Variants in KATNIP observed in about 807,000 individuals in gnomAD.
KATNIP encodes the protein katanin interacting protein.
KATNIP carries 126 observed loss-of-function variants against 174.0 expected under a neutral mutation model. That is an observed-to-expected ratio of 0.72 (90% CI 0.63 to 0.84). The LOEUF (loss-of-function observed/expected upper bound fraction) is 0.84. KATNIP is among the 40% of genes least tolerant of loss of function. KATNIP has a pLI of 0.00. For synonymous variants in KATNIP, 810 were observed against 835.7 expected (o/e 0.97, Z 0.53); for missense variants, 1,958 against 2,109.7 (o/e 0.93, Z 1.41).
chr16:27,721,522 G>C, intron 13 of KATNIP, 36 bp from the exon 14 acceptor site: 1 of 1,613,400 alleles, frequency 6.2e-7, no homozygotes, highest in Non-Finnish European at 8.5e-7. Context: ...AGGCAGAAAT[G>C]TGCCTAATGA....
chr16:27,758,419 C>T (rs1044515167), intron 18 of KATNIP, among the ~76,000 whole-genome samples: 3 of 152,166 alleles, frequency 2.0e-5, no homozygotes, highest in African/African-American at 4.8e-5. Context: ...TTGTTCAAGC[C>T]ATCCTTACTG....
At chr16:27,756,539 T>C (rs931767608) in intron 18 of KATNIP, among the ~76,000 whole-genome samples, 1 of 152,132 alleles carries the variant, frequency 6.6e-6, no homozygotes, top group African/African-American at 2.4e-5. Flanking sequence ...AAAGCCCACA[T>C]CCTCACCACA....
chr16:27,740,509 A>G lies in KATNIP; in HGVS notation c.2212A>G (p.Asn738Asp). 1 of 1,614,162 alleles carries G rather than the reference A, an allele frequency of 6.2e-7. No homozygotes were observed. Among genetic ancestry groups the G allele is most frequent in the Non-Finnish European group, 8.5e-7 (1 of 1,180,026 alleles). Residue 738 changes from asparagine (N) to aspartate (D), a missense_variant, in exon 15 of 28, where the codon AAC becomes GAC. This residue lies in a region of KATNIP where 1,557 missense variants were observed against 1,617.8 expected (regional missense o/e 0.96). Coordinates refer to ENST00000261588, the MANE Select transcript of KATNIP (RefSeq NM_015202.5). ...GCCCTCTCTCATCCAACAACTGGAAAACCTCATGGGCAGAAAAATCTGTGA... is the reference window on the plus strand; with the variant it reads ...GCCCTCTCTCATCCAACAACTGGAAGACCTCATGGGCAGAAAAATCTGTGA... ...EEPSLIQQLE[N>D]LMGRKICEPP...
intron 6 of KATNIP, among the ~76,000 whole-genome samples, chr16:27,666,463 G>A (rs1201564093): frequency 6.6e-6 from 1 of 151,956 alleles, no homozygotes; most frequent in Non-Finnish European, 1.5e-5. Flanking sequence ...TGTCACCCAG[G>A]CTGAAGTATA....
chr16:27,744,921 T>C (rs1567385006), intron 15 of KATNIP, among the ~76,000 whole-genome samples: 3 of 151,534 alleles, frequency 2.0e-5, no homozygotes. Context: ...TCTCAGAAAA[T>C]AAAATCATAA....
chr16:27,725,058 G>A (rs977367325), intron 14 of KATNIP, among the ~76,000 whole-genome samples: 4 of 152,284 alleles, frequency 2.6e-5, no homozygotes, highest in Admixed American at 6.5e-5. Context: ...GGTGAAGTGA[G>A]GACGTGGAGG....
chr16:27,743,496 C>T (rs2081182759), intron 15 of KATNIP, among the ~76,000 whole-genome samples: 2 of 152,110 alleles, frequency 1.3e-5, no homozygotes, highest in African/African-American at 4.8e-5. Context: ...GAGGCTCAGT[C>T]AGTGTCAGGA....
In KATNIP at chr16:27,773,177, A is replaced by G; in HGVS notation, c.4277A>G (p.Glu1426Gly). Residue 1426 changes from glutamate to glycine, a missense_variant, in exon 23 of 28, where the codon GAG (glutamate) becomes GGG (glycine). Glu to Gly is a moderately conservative substitution (Grantham distance 98, BLOSUM62 -2). Around this residue, in one of 3 missense-constraint regions of KATNIP, gnomAD observed 383 missense variants for 456.0 expected, o/e 0.84. Transcript: ENST00000261588. ...IGLTGLELYD[E>G]RGEKIPLSEN... ...CTCACCGGCCTGGAGCTGTATGACGAGCGAGGAGAAAAAATCCCCTTGTCG... is the reference window on the plus strand; with the variant it reads ...CTCACCGGCCTGGAGCTGTATGACGGGCGAGGAGAAAAAATCCCCTTGTCG... 1 of 1,611,848 alleles carries G rather than the reference A, an allele frequency of 6.2e-7. No individual in the cohort carries two copies. The highest frequency in any genetic ancestry group is 8.5e-7 in the Non-Finnish European group (1 of 1,178,870).
intron 8 of KATNIP, among the ~76,000 whole-genome samples, chr16:27,687,006 A>G (rs906501535): frequency 3.9e-5 from 6 of 152,164 alleles, no homozygotes; most frequent in Non-Finnish European, 8.8e-5. Flanking sequence ...ACTACTGATT[A>G]TTATTTTATA....
chr16:27,666,569 C>T (rs2077691885), intron 6 of KATNIP, among the ~76,000 whole-genome samples: 1 of 152,136 alleles, frequency 6.6e-6, no homozygotes, highest in African/African-American at 2.4e-5. Context: ...AGGTGTCCAC[C>T]ACCACACCCG....
chr16:27,724,342 G>A (rs186553760), intron 14 of KATNIP, among the ~76,000 whole-genome samples: 251 of 152,296 alleles, frequency 1.6e-3, no homozygotes, highest in African/African-American at 4.9e-3. Flanking sequence ...CCTGCAGCTC[G>A]GCCCTGTCAT....
At chr16:27,581,532 G>A (rs550145301) in intron 2 of KATNIP, among the ~76,000 whole-genome samples, 1 of 152,162 alleles carries the variant, frequency 6.6e-6, no homozygotes, top group Non-Finnish European at 1.5e-5. Context: ...CTTGTCTTGT[G>A]GGGGTGAGAG....
intron 2 of KATNIP, among the ~76,000 whole-genome samples, chr16:27,574,656 C>T (rs1376756722): frequency 6.6e-6 from 1 of 151,210 alleles, no homozygotes; most frequent in African/African-American, 2.4e-5. Flanking sequence ...CCTCCGCCTC[C>T]CGGGTTCAAG....
intron 1 of KATNIP, among the ~76,000 whole-genome samples, chr16:27,571,517 C>T (rs1053294734): frequency 2.0e-5 from 3 of 152,128 alleles, no homozygotes; most frequent in Non-Finnish European, 4.4e-5. Flanking sequence ...TGTCACTTGT[C>T]CCTCAGGACC....
At chr16:27,756,377 G>A (rs899221389) in intron 18 of KATNIP, among the ~76,000 whole-genome samples, 22 of 152,250 alleles carry the variant, frequency 1.4e-4, no homozygotes, top group Admixed American at 5.2e-4. Context: ...GACAGGCACT[G>A]TGCTGGGCTT....
chr16:27,750,395 A>G (rs879586515), intron 16 of KATNIP, 89 bp downstream of exon 16: 7 of 1,313,080 alleles, frequency 5.3e-6, no homozygotes, highest in African/African-American at 1.5e-5. Context: ...TGGCTAGCCA[A>G]CAACAGATCA....
intron 1 of KATNIP, among the ~76,000 whole-genome samples, chr16:27,555,143 A>C (rs1004664591): frequency 6.6e-6 from 1 of 152,158 alleles, no homozygotes; most frequent in Non-Finnish European, 1.5e-5. Flanking sequence ...TTATTGGATA[A>C]AGTGAAGCAT....
chr16:27,740,613 A>G lies in KATNIP; in HGVS notation c.2316A>G (p.Lys772=). 6.2e-7 allele frequency: 1 copy of G among 1,614,042 alleles called. No homozygotes were observed. Among genetic ancestry groups the G allele is most frequent in the South Asian group, 1.1e-5 (1 of 91,074 alleles). Residue 772 remains lysine, a synonymous_variant, in exon 15 of 28, where the codon AAA becomes AAG. Transcript: ENST00000261588. The stretch of plus-strand genomic sequence containing the variant: ...GGAAGCAGGGAGGCAGGAAGCCAAA[A>G]CCCCTCTGGCTTAGTCCCGAGAAGC... ...KDRKQGGRKP[K]PLWLSPEKPL... is the part of the protein sequence containing the mutation.
Position 27,698,475 on chromosome 16 carries a change from C to T in KATNIP, c.1088C>T (p.Ala363Val), listed in dbSNP as rs1220417909. The change falls in exon 9 of 28, where the codon GCC (alanine) becomes GTC (valine). Residue 363 changes from alanine (A) to valine (V), a missense_variant. Around this residue, in one of 3 missense-constraint regions of KATNIP, gnomAD observed 1,557 missense variants for 1,617.8 expected, o/e 0.96. Transcript: ENST00000261588. The part of the protein sequence containing the change: ...ALQRALLSRK[A>V]EQPASPLQDA... Reference sequence around the variant, plus strand: ...CAGAGGGCGCTCCTCAGCAGAAAGGCCGAGCAGCCAGCCAGCCCACTGCAG... The same window carrying T: ...CAGAGGGCGCTCCTCAGCAGAAAGGTCGAGCAGCCAGCCAGCCCACTGCAG... 1 of 1,611,056 alleles carries T rather than the reference C, an allele frequency of 6.2e-7. No individual in the cohort carries two copies. Among genetic ancestry groups the T allele is most frequent in the African/African-American group, 1.3e-5 (1 of 75,004 alleles).
Sources: gnomAD v4.1 joint callset for allele counts (sites outside exome capture counted in the v4.1 genomes callset) on GRCh38, gnomAD v4.1.1 for gene constraint, gnomAD v4.1.1 regional missense constraint, MANE v1.5 for transcripts, NCBI Gene and HGNC (gene_info 2026-07-23, HGNC 2026-07-21) for gene names.